MYH11: variants seen among roughly 807,000 people sequenced by gnomAD.
The protein encoded by MYH11 is myosin heavy chain 11, also known as myosin-11.
Under a neutral mutation model 246.6 loss-of-function variants are expected in MYH11, and 80 were observed. The observed-to-expected ratio is 0.32, with a 90% CI of 0.27 to 0.39. MYH11 has a LOEUF of 0.39. Ranked by LOEUF, MYH11 falls within the 10% of genes least tolerant of loss-of-function variation. The pLI is 1.00. For missense variants in MYH11, 2,158 were observed against 2,546.8 expected (o/e 0.85, Z 3.29); for synonymous variants, 1,071 against 1,015.5 (o/e 1.05, Z -1.04).
intron 27 of MYH11, among the ~76,000 whole-genome samples, chr16:15,732,296 C>T (rs1316493097): frequency 6.6e-6 from 1 of 151,902 alleles, no homozygotes; most frequent in Non-Finnish European, 1.5e-5. Flanking sequence ...AACAAGGTCT[C>T]ACTATGTTGC....
intron 2 of MYH11, among the ~76,000 whole-genome samples, chr16:15,837,272 C>T (rs1384380628): frequency 1.3e-5 from 2 of 152,292 alleles, no homozygotes; most frequent in East Asian, 3.9e-4. Flanking sequence ...CTCTTCTTTA[C>T]TTTCAAGAGG....
chr16:15,718,744 C>G (rs2040305645), intron 36 of MYH11: 3 of 498,210 alleles, frequency 6.0e-6, no homozygotes, highest in Admixed American at 6.6e-5. Context: ...AGCCACACCC[C>G]CAAACAGGCA....
intron 25 of MYH11, among the ~76,000 whole-genome samples, chr16:15,736,111 C>T (rs748908692): frequency 6.6e-6 from 1 of 152,124 alleles, no homozygotes; most frequent in Non-Finnish European, 1.5e-5. Context: ...CAGAATGCTG[C>T]AGGAGAGGCA....
chr16:15,719,229 A>G lies in MYH11; in HGVS notation c.5162T>C (p.Leu1721Pro). The change falls in exon 36 of 41, where the codon CTG (leucine) becomes CCG (proline). Residue 1721 changes from leucine (L) to proline (P), a missense_variant. By Grantham distance (98) the Leu-to-Pro change is moderately conservative. Around this residue, in one of 11 missense-constraint regions of MYH11, gnomAD observed 1,013 missense variants for 993.5 expected, o/e 1.02. Coordinates refer to ENST00000300036, the MANE Select transcript of MYH11 (RefSeq NM_002474.3). ...EELAEELASS[L>P]SGRNALQDEK... is the part of the protein sequence containing the mutation. ...CCATTCAGTTTCCTACCTTCCCGAC[A>G]GGCTACTGGCCAGCTCCTCTGCCAG... 1 of 1,613,638 alleles carries G rather than the reference A, an allele frequency of 6.2e-7. No homozygotes were observed. Among genetic ancestry groups the G allele is most frequent in the Non-Finnish European group, 8.5e-7 (1 of 1,179,984 alleles).
intron 1 of MYH11, among the ~76,000 whole-genome samples, chr16:15,848,847 C>T (rs899959375): frequency 6.6e-5 from 10 of 152,162 alleles, no homozygotes; most frequent in East Asian, 3.8e-4. Context: ...GAAGATCAGA[C>T]GGGGGCAAGG....
rs1281222507 is a variant in MYH11, at chr16:15,724,281, A to G, written c.4245T>C (p.Tyr1415=). The change falls in exon 31 of 41, where the codon TAT becomes TAC. Residue 1415 remains tyrosine, a synonymous_variant. Transcript: ENST00000300036. ...TGTTCTTGGTCTTTTCCAGTTTATCATAAGCGGCCGCCTTCTCCTCGTACT... is the reference window on the plus strand; with the variant it reads ...TGTTCTTGGTCTTTTCCAGTTTATCGTAAGCGGCCGCCTTCTCCTCGTACT... ...TQQYEEKAAA[Y]DKLEKTKNRL... 1.2e-6 allele frequency: 2 copies of G among 1,614,162 alleles called. No individual in the cohort carries two copies. Among genetic ancestry groups the G allele is most frequent in the Admixed American group, 1.7e-5 (1 of 60,002 alleles).
intron 9 of MYH11, among the ~76,000 whole-genome samples, chr16:15,770,359 A>T (rs2042072889): frequency 6.6e-6 from 1 of 152,190 alleles, no homozygotes; most frequent in Non-Finnish European, 1.5e-5. Context: ...GAAGGAAGGG[A>T]AACTTTCCAC....
At chr16:15,792,811 A>AGC (rs1276779098) in intron 4 of MYH11, 4 of 151,790 alleles carry the variant, frequency 2.6e-5, no homozygotes, top group Admixed American at 2.0e-4. Flanking sequence ...CTCAGTGCCA[A>AGC]CTTTCTGCCT....
rs576890377 is a variant in MYH11 at position 15,726,995 on chromosome 16, G to A, written c.3711C>T (p.Ala1237=). ...CCTGGCCCAGGACCCGCAGCTCCCC[G>A]GCCAGGTCTGCGTTCTCTTTCTCCA... The part of the protein sequence containing the change: ...QTLEKENADL[A]GELRVLGQAK... The change falls in exon 28 of 41, where the codon GCC becomes GCT. Residue 1237 remains alanine, a synonymous_variant. Transcript: ENST00000300036. 1.5e-5 allele frequency: 24 copies of A among 1,611,966 alleles called. No homozygotes were observed. Among genetic ancestry groups the A allele is most frequent in the South Asian group, 8.8e-5 (8 of 90,842 alleles).
chr16:15,772,407 T>C lies in MYH11; in HGVS notation c.890-695A>G, dbSNP rs540271845. Reference sequence around the variant, plus strand: ...GCACCTGGCCTTATTCATGTATTTATAAAATTTTTATCAAATTCAAACAGG... The same window carrying C: ...GCACCTGGCCTTATTCATGTATTTACAAAATTTTTATCAAATTCAAACAGG... On this transcript the variant is annotated intron_variant, in intron 8 of 40. Coordinates refer to ENST00000300036, the MANE Select transcript of MYH11 (RefSeq NM_002474.3). Among the ~76,000 whole-genome samples the C allele has an allele frequency of 7.9e-5, 12 of 152,214 alleles. No homozygotes were observed. The East Asian group carries it at 2.3e-3, about 29-fold the overall frequency.
intron 2 of MYH11, among the ~76,000 whole-genome samples, chr16:15,833,424 T>C (rs215592): frequency 6.6e-6 from 1 of 150,576 alleles, no homozygotes; most frequent in Non-Finnish European, 1.5e-5. Flanking sequence ...AGGAACGAAC[T>C]AACTAACTCG....
intron 3 of MYH11, among the ~76,000 whole-genome samples, chr16:15,812,292 G>A (rs565189836): frequency 3.0e-4 from 45 of 152,162 alleles, no homozygotes; most frequent in Admixed American, 1.0e-3. Context: ...TAGCTCTTGC[G>A]GCTAGCGTTG....
At chr16:15,767,974 T>G (rs2042021191) in intron 9 of MYH11, among the ~76,000 whole-genome samples, 1 of 151,926 alleles carries the variant, frequency 6.6e-6, no homozygotes. Context: ...GAAGGGGTCT[T>G]GCTATGTTGC....
chr16:15,762,455 C>T (rs1446251253), intron 10 of MYH11, among the ~76,000 whole-genome samples: 1 of 152,150 alleles, frequency 6.6e-6, no homozygotes, highest in African/African-American at 2.4e-5. Flanking sequence ...CTGGGGATAA[C>T]ATCACTATTG....
At chr16:15,743,758 A>C (rs1224178907) in intron 20 of MYH11, among the ~76,000 whole-genome samples, 2 of 152,056 alleles carry the variant, frequency 1.3e-5, no homozygotes, top group Non-Finnish European at 2.9e-5. Context: ...TCACAGCTGC[A>C]CCCCCAGCAC....
rs750113881 is a variant in MYH11, at chr16:15,763,767, AT to A, written c.1129+28del. 2.2e-5 allele frequency: 18 copies of A among 803,158 alleles called. No individual in the cohort carries two copies. The African/African-American group carries it at 3.4e-4, about 15-fold the overall frequency. 49.8% of individuals were successfully genotyped at this position (803,158 alleles called of 1,614,324 possible). On this transcript the variant is annotated intron_variant, in intron 10 of 40. Coordinates refer to ENST00000300036, the MANE Select transcript of MYH11 (RefSeq NM_002474.3). ...CCCCCACCCCCCCAACCCCAAAGTC[AT>A]TGGTCATCAGGAAAAAGTGGCAAGT...
chr16:15,726,796 G>A (rs1035541605), intron 28 of MYH11, 52 bp downstream of exon 28: 7 of 1,603,024 alleles, frequency 4.4e-6, no homozygotes, highest in Non-Finnish European at 6.0e-6. Flanking sequence ...CCTCCCCACA[G>A]AACTGGGCAC....
rs1422036580 is a variant in MYH11, at chr16:15,714,753, C to CACT, written c.5786+153_5786+155dup. The CACT allele has an allele frequency of 4.1e-6, 4 of 985,224 alleles. No individual in the cohort carries two copies. In the African/African-American group the frequency reaches 6.4e-5, roughly 16 times the overall value. The allele number at this position is 985,224 out of a possible 1,614,324, so 61.0% of individuals were successfully genotyped here. A position where few individuals can be genotyped will look rare whatever the true frequency, so the allele number is the denominator to read the frequency against. On this transcript the variant is annotated intron_variant, in intron 40 of 40. Coordinates refer to ENST00000300036, the MANE Select transcript of MYH11 (RefSeq NM_002474.3). ...GGGTCTGATCTCAGTGCCTGGCCCA[C>CACT]ACTAAGCTTAGTGATTAAGGAGAAG... is the stretch of plus-strand genomic sequence containing the variant.
At chr16:15,767,746 G>A (rs968561355) in intron 9 of MYH11, among the ~76,000 whole-genome samples, 2 of 151,892 alleles carry the variant, frequency 1.3e-5, no homozygotes, top group Admixed American at 6.6e-5. Flanking sequence ...CTTTATGATG[G>A]ACAGAAGAGA....
Sources: gnomAD v4.1 joint callset for allele counts (sites outside exome capture counted in the v4.1 genomes callset) on GRCh38, gnomAD v4.1.1 for gene constraint, gnomAD v4.1.1 regional missense constraint, MANE v1.5 for transcripts, NCBI Gene and HGNC (gene_info 2026-07-23, HGNC 2026-07-21) for gene names.